The following MAP3K5 variants were observed in gnomAD, a reference collection of about 807,000 sequenced individuals.
MAP3K5 encodes the protein mitogen-activated protein kinase kinase kinase 5, also known as ASK-1.
In MAP3K5, 56 loss-of-function variants were observed where a neutral mutation model predicts 158.7. The observed-to-expected ratio is 0.35, with a 90% CI of 0.28 to 0.44. The LOEUF is 0.44. Among genes scored for constraint, MAP3K5 ranks in the 20% least tolerant of loss-of-function variants. The pLI, the probability that MAP3K5 is intolerant of heterozygous loss-of-function variation, is 1.00. For missense variants in MAP3K5, 1,294 were observed against 1,674.8 expected (o/e 0.77, Z 3.97); for synonymous variants, 579 against 601.7 (o/e 0.96, Z 0.55).
At chr6:136,754,187 C>T (rs760810226) in intron 1 of MAP3K5, among the ~76,000 whole-genome samples, 1 of 151,920 alleles carries the variant, frequency 6.6e-6, no homozygotes, top group Non-Finnish European at 1.5e-5. Flanking sequence ...GCAGGAGAAT[C>T]ACTTGAACCT....
intron 2 of MAP3K5, among the ~76,000 whole-genome samples, chr6:136,716,769 A>C (rs1217543427): frequency 6.6e-6 from 1 of 152,340 alleles, no homozygotes; most frequent in East Asian, 1.9e-4. Context: ...TGGCACAGAT[A>C]TTCTCTCAAT....
At chr6:136,739,226 T>C (rs772320304) in intron 1 of MAP3K5, among the ~76,000 whole-genome samples, 3 of 152,164 alleles carry the variant, frequency 2.0e-5, no homozygotes, top group Non-Finnish European at 4.4e-5. Flanking sequence ...GACCAGGCAT[T>C]ACAAATGGCC....
intron 8 of MAP3K5, among the ~76,000 whole-genome samples, chr6:136,662,652 A>AT (rs66724766): frequency 0.078 from 11,769 of 151,698 alleles, 725 homozygotes; most frequent in East Asian, 0.29. Flanking sequence ...TGTATTTAGG[A>AT]TTTTTTCCAT....
At chr6:136,765,745 G>T (rs915792129) in intron 1 of MAP3K5, among the ~76,000 whole-genome samples, 1 of 149,052 alleles carries the variant, frequency 6.7e-6, no homozygotes, top group Non-Finnish European at 1.5e-5. Context: ...GACCAGGCTG[G>T]TCTCGAACTC....
chr6:136,561,713 C>G (rs1205531332), intron 27 of MAP3K5, 68 bp from the exon 28 acceptor site: 4 of 845,340 alleles, frequency 4.7e-6, no homozygotes, highest in Non-Finnish European at 8.1e-6. Flanking sequence ...CCCTCACAAT[C>G]AACAGACATT....
chr6:136,611,387 C>A lies in MAP3K5; in HGVS notation c.2416G>T (p.Gly806Cys). 1 of 1,559,580 alleles carries A rather than the reference C, an allele frequency of 6.4e-7. No individual in the cohort carries two copies. Among genetic ancestry groups the A allele is most frequent in the Non-Finnish European group, 8.8e-7 (1 of 1,131,358 alleles). The change falls in exon 18 of 30, where the codon GGT becomes TGT. Residue 806 changes from glycine (G) to cysteine (C), a missense_variant and splice_region_variant. Transcript: ENST00000359015. ...TAGGTATTAATCAACACATTGTCAC[C>A]CTAGAGAACAGAGGACTTTAATCAC... Reference protein sequence around the residue: ...DNQIVHRDIKGDNVLINTYSG... With the variant: ...DNQIVHRDIKCDNVLINTYSG...
At chr6:136,779,052 C>A (rs1301596255) in intron 1 of MAP3K5, among the ~76,000 whole-genome samples, 1 of 152,114 alleles carries the variant, frequency 6.6e-6, no homozygotes, top group African/African-American at 2.4e-5. Context: ...GTAATCCCAG[C>A]ACTTTGAGAG....
intron 25 of MAP3K5, among the ~76,000 whole-genome samples, chr6:136,579,187 C>T (rs1478816361): frequency 6.6e-6 from 1 of 152,100 alleles, no homozygotes; most frequent in African/African-American, 2.4e-5. Context: ...GTCAACTGCT[C>T]TTTCTTTCTA....
chr6:136,637,350 C>A lies in MAP3K5; in HGVS notation c.1991G>T (p.Gly664Val). The change falls in exon 14 of 30, where the codon GGA becomes GTA. Residue 664 changes from glycine (G) to valine (V), a missense_variant. Around this residue, in one of 5 missense-constraint regions of MAP3K5, gnomAD observed 690 missense variants for 870.5 expected, o/e 0.79. Transcript: ENST00000359015. ...TEEKGRSTEEGDCESDLLEYD... is the reference protein window; with the variant it reads ...TEEKGRSTEEVDCESDLLEYD... The stretch of plus-strand genomic sequence containing the variant: ...CTCCAGCAAGTCACTTTCACAGTCT[C>A]CTTCCTCTGTGCTTCTCCCCTTCTC... The A allele has an allele frequency of 6.2e-7, 1 of 1,612,546 alleles. No homozygotes were observed. Among genetic ancestry groups the A allele is most frequent in the South Asian group, 1.1e-5 (1 of 91,040 alleles).
intron 14 of MAP3K5, among the ~76,000 whole-genome samples, chr6:136,628,151 G>A (rs190703512): frequency 2.5e-4 from 37 of 150,560 alleles, no homozygotes; most frequent in East Asian, 7.8e-4. Context: ...TTGCTCTGTC[G>A]CCTAGGCCGG....
intron 15 of MAP3K5, among the ~76,000 whole-genome samples, chr6:136,618,430 G>T (rs1318164894): frequency 6.6e-6 from 1 of 152,202 alleles, no homozygotes; most frequent in Non-Finnish European, 1.5e-5. Flanking sequence ...TACAGAACAG[G>T]AGCTGAAACA....
chr6:136,596,251 G>A (rs955661666), intron 21 of MAP3K5, among the ~76,000 whole-genome samples: 1 of 152,142 alleles, frequency 6.6e-6, no homozygotes, highest in Non-Finnish European at 1.5e-5. Flanking sequence ...AGAAAATGGG[G>A]TGTCATGGAA....
intron 12 of MAP3K5, among the ~76,000 whole-genome samples, chr6:136,640,529 C>A (rs78143997): frequency 1.3e-5 from 2 of 152,196 alleles, no homozygotes; most frequent in Non-Finnish European, 2.9e-5. Flanking sequence ...TCTCTCCCTG[C>A]CCTACTTCTG....
At chr6:136,627,071 T>A (rs113254374) in intron 14 of MAP3K5, among the ~76,000 whole-genome samples, 1 of 152,214 alleles carries the variant, frequency 6.6e-6, no homozygotes, top group Non-Finnish European at 1.5e-5. Context: ...CCATGGAACA[T>A]CCATTTGCTT....
chr6:136,569,607 T>G (rs1338661888), intron 25 of MAP3K5, among the ~76,000 whole-genome samples: 1 of 152,176 alleles, frequency 6.6e-6, no homozygotes. Flanking sequence ...GGGCTGAACA[T>G]CTACCTTACA....
intron 7 of MAP3K5, among the ~76,000 whole-genome samples, chr6:136,672,777 G>C: frequency 6.6e-6 from 1 of 152,014 alleles, no homozygotes; most frequent in Non-Finnish European, 1.5e-5. Context: ...ATCACTTGAG[G>C]TCAGTAGTTC....
chr6:136,681,619 C>T (rs976648600), intron 7 of MAP3K5, among the ~76,000 whole-genome samples: 1 of 152,070 alleles, frequency 6.6e-6, no homozygotes, highest in Non-Finnish European at 1.5e-5. Context: ...GGTGACAGAG[C>T]GAGACCTTGT....
At chr6:136,782,601 T>C (rs1784664160) in intron 1 of MAP3K5, among the ~76,000 whole-genome samples, 1 of 152,246 alleles carries the variant, frequency 6.6e-6, no homozygotes, top group South Asian at 2.1e-4. Flanking sequence ...AGGCAATTGC[T>C]TTCCTCATTG....
chr6:136,728,734 T>TC (rs1192231258), intron 1 of MAP3K5, among the ~76,000 whole-genome samples: 2 of 152,132 alleles, frequency 1.3e-5, no homozygotes, highest in African/African-American at 4.8e-5. Flanking sequence ...ATTCCTAACC[T>TC]CCCCAACCCA....
Sources: gnomAD v4.1 joint callset for allele counts (sites outside exome capture counted in the v4.1 genomes callset) on GRCh38, gnomAD v4.1.1 for gene constraint, gnomAD v4.1.1 regional missense constraint, MANE v1.5 for transcripts, NCBI Gene and HGNC (gene_info 2026-07-23, HGNC 2026-07-21) for gene names.